Variants in ROR1 observed in about 807,000 individuals in gnomAD.
ROR1 encodes the protein inactive tyrosine-protein kinase transmembrane receptor ROR1.
A neutral mutation model predicts 78.8 loss-of-function variants in ROR1; 19 were observed. That is an observed-to-expected ratio of 0.24 (90% CI 0.17 to 0.35). The LOEUF is 0.35. Ranked by LOEUF, ROR1 falls within the 10% of genes least tolerant of loss-of-function variation. The pLI is 1.00. For missense variants in ROR1, 917 were observed against 1,177.8 expected, an observed-to-expected ratio of 0.78 and a Z score of 3.24; for synonymous variants, 386 against 433.6, an observed-to-expected ratio of 0.89 and a Z score of 1.36.
At chr1:63,867,936 C>T (rs1326317300) in intron 1 of ROR1, among the ~76,000 whole-genome samples, 2 of 152,190 alleles carry the variant, frequency 1.3e-5, no homozygotes, top group Admixed American at 6.5e-5. Context: ...ATGGCCATGT[C>T]GTTAGTTCCC....
intron 1 of ROR1, among the ~76,000 whole-genome samples, chr1:63,891,150 CA>C (rs1645392723): frequency 1.3e-5 from 2 of 152,174 alleles, no homozygotes; most frequent in African/African-American, 4.8e-5. Context: ...TTGAGATTTG[CA>C]GCAGTCACAA....
chr1:64,024,761 C>A lies in ROR1; in HGVS notation c.163+15385C>A, dbSNP rs537457366. Among the ~76,000 whole-genome samples the A allele has an allele frequency of 4.6e-5, 7 of 152,274 alleles. No individual in the cohort carries two copies. The East Asian group carries it at 1.4e-3, about 29-fold the overall frequency. On this transcript the variant is annotated intron_variant, in intron 2 of 8. Coordinates refer to ENST00000371079, the MANE Select transcript of ROR1 (RefSeq NM_005012.4). ...GTCCTATTCTACTACTACTTACCTT[C>A]ACTCAAACTAAGTATTGTCATTTTC...
chr1:63,880,690 C>G (rs687578), intron 1 of ROR1, among the ~76,000 whole-genome samples: 2,705 of 152,152 alleles, frequency 0.018, 44 homozygotes, highest in African/African-American at 0.037. Context: ...AGGTTCTTTT[C>G]GGTTTCTAAG....
At chr1:63,814,795 G>A (rs932622540) in intron 1 of ROR1, among the ~76,000 whole-genome samples, 15 of 152,134 alleles carry the variant, frequency 9.9e-5, no homozygotes, top group Admixed American at 3.9e-4. Flanking sequence ...ATGAAGCTTC[G>A]CTCACTTGCC....
chr1:64,013,973 TTTGAATTCACACC>T (rs1393004586), intron 2 of ROR1, among the ~76,000 whole-genome samples: 1 of 152,256 alleles, frequency 6.6e-6, no homozygotes, highest in African/African-American at 2.4e-5. Context: ...GCACGCATCA[TTTGAATTCACACC>T]ACCCTTTGCA....
intron 1 of ROR1, among the ~76,000 whole-genome samples, chr1:63,795,901 G>A (rs1644756974): frequency 6.6e-6 from 1 of 152,168 alleles, no homozygotes; most frequent in Non-Finnish European, 1.5e-5. Context: ...TTTTGGAGAT[G>A]GGGGTGGCTG....
In ROR1 at chr1:63,774,532, G is replaced by A. The variant is rs1370486311; in HGVS notation, c.91+24G>A. The A allele has an allele frequency of 2.6e-6, 2 of 772,964 alleles. No individual in the cohort carries two copies. The highest frequency in any genetic ancestry group is 3.2e-6 in the Non-Finnish European group (2 of 634,820). The allele number at this position is 772,964 out of a possible 1,614,324, so 47.9% of individuals were successfully genotyped here. On this transcript the variant is annotated intron_variant, in intron 1 of 8. Coordinates refer to ENST00000371079, the MANE Select transcript of ROR1 (RefSeq NM_005012.4). The surrounding 1 kb of genome is among the most constrained non-coding windows in gnomAD (Gnocchi z 5.7). ...AGGTAAGAGGCGCCCGCCGGCCCCC[G>A]CCCGCCCAGACCCCCTGACCCGTGG...
At chr1:64,054,610 A>G (rs749175750) in intron 4 of ROR1, among the ~76,000 whole-genome samples, 5 of 152,236 alleles carry the variant, frequency 3.3e-5, no homozygotes, top group South Asian at 2.1e-4. Context: ...TATATGACAA[A>G]TAATCATTAT....
intron 1 of ROR1, among the ~76,000 whole-genome samples, chr1:63,924,602 GCTCA>G (rs1645684535): frequency 6.6e-6 from 1 of 152,144 alleles, no homozygotes; most frequent in Non-Finnish European, 1.5e-5. Flanking sequence ...TTTGAAAAGA[GCTCA>G]CTGTGTGCTG....
At chr1:63,782,443 G>T (rs900778441) in intron 1 of ROR1, among the ~76,000 whole-genome samples, 1 of 152,040 alleles carries the variant, frequency 6.6e-6, no homozygotes, top group Non-Finnish European at 1.5e-5. Flanking sequence ...CGTGGAAAGA[G>T]CCTGAGACTC....
chr1:63,876,645 GGTGTGTGTGTGTGTGTGT>G (rs367954652), intron 1 of ROR1, among the ~76,000 whole-genome samples: 6 of 130,660 alleles, frequency 4.6e-5, no homozygotes, highest in South Asian at 2.5e-4. Context: ...CCACGAAAGG[GGTGTGTGTGTGTGTGTGT>G]GTGTGTGTGT....
At chr1:64,170,711 G>C (rs1017688421) in intron 8 of ROR1, among the ~76,000 whole-genome samples, 16 of 152,164 alleles carry the variant, frequency 1.1e-4, no homozygotes, top group Non-Finnish European at 2.1e-4. Context: ...TTTTAAAACT[G>C]AATGCCTTTA....
chr1:63,801,079 A>C (rs1435782197), intron 1 of ROR1, among the ~76,000 whole-genome samples: 1 of 151,758 alleles, frequency 6.6e-6, no homozygotes, highest in African/African-American at 2.4e-5. Context: ...CCTGGTGTAG[A>C]TGGTTTATTT....
At chr1:63,775,196 T>TGTGC (rs1244595145) in intron 1 of ROR1, 1 of 152,154 alleles carries the variant, frequency 6.6e-6, no homozygotes, top group Non-Finnish European at 1.5e-5. Context: ...CGCGTGTGTG[T>TGTGC]GTGCGTGTTA....
At chr1:64,081,700 G>A (rs1429394045) in intron 4 of ROR1, among the ~76,000 whole-genome samples, 2 of 148,218 alleles carry the variant, frequency 1.3e-5, no homozygotes, top group Non-Finnish European at 3.0e-5. Context: ...GAGCCTGGGA[G>A]ATCGAGGCTG....
intron 1 of ROR1, among the ~76,000 whole-genome samples, chr1:63,846,503 A>C (rs1645082671): frequency 6.6e-6 from 1 of 152,066 alleles, no homozygotes; most frequent in Non-Finnish European, 1.5e-5. Flanking sequence ...GGGCAGATAG[A>C]TGTAGGTTTC....
At chr1:63,876,673 T>C (rs867837135) in intron 1 of ROR1, among the ~76,000 whole-genome samples, 2 of 138,018 alleles carry the variant, frequency 1.4e-5, no homozygotes, top group African/African-American at 5.6e-5. Context: ...TGTGTGTGTG[T>C]GTGTGTGTGC....
At chr1:63,799,628 C>T (rs1326178968) in intron 1 of ROR1, among the ~76,000 whole-genome samples, 1 of 144,784 alleles carries the variant, frequency 6.9e-6, no homozygotes. Context: ...AAAAAACACC[C>T]ATTTTTCCTC....
intron 2 of ROR1, among the ~76,000 whole-genome samples, chr1:64,010,926 A>T (rs1462216962): frequency 1.3e-5 from 2 of 152,040 alleles, no homozygotes; most frequent in Non-Finnish European, 2.9e-5. Context: ...AGTCAATTAA[A>T]CCTCTTTCCT....
Sources: gnomAD v4.1 joint callset for allele counts (sites outside exome capture counted in the v4.1 genomes callset) on GRCh38, gnomAD v4.1.1 for gene constraint, Gnocchi (gnomAD v3.1) non-coding constraint, MANE v1.5 for transcripts, NCBI Gene and HGNC (gene_info 2026-07-23, HGNC 2026-07-21) for gene names.